ETV4: variants seen among roughly 807,000 people sequenced by gnomAD.
The protein encoded by ETV4 is ETS variant transcription factor 4.
ETV4 carries 42 observed loss-of-function variants against 65.9 expected under a neutral mutation model. The observed-to-expected ratio is 0.64, with a 90% CI of 0.50 to 0.82. The LOEUF is 0.82. Ranked by LOEUF, ETV4 falls within the 40% of genes least tolerant of loss-of-function variation. The pLI is 0.00. For missense variants in ETV4, 583 were observed against 630.3 expected (o/e 0.92, Z 0.80); for synonymous variants, 238 against 260.0 (o/e 0.92, Z 0.81).
intron 5 of ETV4, among the ~76,000 whole-genome samples, chr17:43,534,336 A>C (rs1483282926): frequency 6.6e-6 from 1 of 150,784 alleles, no homozygotes; most frequent in Non-Finnish European, 1.5e-5. Context: ...CTAAAAATAC[A>C]AAAAAAAATT....
rs1970690144 is a variant in ETV4 at position 43,528,399 on chromosome 17, C to G, written c.*120G>C. 1.5e-6 allele frequency: 1 copy of G among 682,564 alleles called. No homozygotes were observed. The highest frequency in any genetic ancestry group is 2.9e-5 in the Admixed American group (1 of 33,960). 42.3% of individuals were successfully genotyped at this position (682,564 alleles called of 1,614,324 possible). ...GTCTGGGCTAGGGCAACTGGTAGGA[C>G]AGTGGGGATCTGCCCCAGAGACATC... On this transcript the variant is annotated 3_prime_UTR_variant, in exon 13 of 13. Transcript: ENST00000319349.
chr17:43,528,620 C>T lies in ETV4; in HGVS notation c.1354G>A (p.Asp452Asn). The change falls in exon 13 of 13, where the codon GAC becomes AAC. Residue 452 changes from aspartate (D) to asparagine (N), a missense_variant. Physicochemically the swap from Asp to Asn is conservative, Grantham distance 23 (BLOSUM62 1). Transcript: ENST00000319349. ...AEFDRPVSEE[D>N]TVPLSHLDES... Reference sequence around the variant, plus strand: ...TCCAAGTGGGACAAAGGGACTGTGTCCTCCTCACTGACAGGCCGGTCAAAC... The same window carrying T: ...TCCAAGTGGGACAAAGGGACTGTGTTCTCCTCACTGACAGGCCGGTCAAAC... 6.2e-7 allele frequency: 1 copy of T among 1,614,032 alleles called. No homozygotes were observed. The highest frequency in any genetic ancestry group is 8.5e-7 in the Non-Finnish European group (1 of 1,179,892).
rs199582761 is a variant in ETV4, at chr17:43,533,925, G to A, written c.317C>T (p.Pro106Leu). Residue 106 changes from proline (P) to leucine (L), a missense_variant, in exon 6 of 13, where the codon CCG (proline) becomes CTG (leucine). Transcript: ENST00000319349. ...KKEPQSPRTD[P>L]ALSCSRKPPL... ...CGGCTTCCTGCTGCAGGACAGGGCC[G>A]GGTCTGTGCGGGGACTCTGGGGCTC... is the stretch of plus-strand genomic sequence containing the variant. 1.1e-4 allele frequency: 170 copies of A among 1,582,470 alleles called. 1 individual carries two copies. The Admixed American group carries it at 1.7e-3, about 16-fold the overall frequency.
intron 4 of ETV4, among the ~76,000 whole-genome samples, chr17:43,537,418 G>A (rs1567712890): frequency 6.6e-6 from 1 of 151,916 alleles, no homozygotes; most frequent in Non-Finnish European, 1.5e-5. Flanking sequence ...GGGTGGCTGG[G>A]CGCAGTGGTT....
Position 43,532,496 on chromosome 17 carries a change from C to CA in ETV4, c.811+177dup, listed in dbSNP as rs1202639826. On this transcript the variant is annotated intron_variant, in intron 8 of 12. Coordinates refer to ENST00000319349, the MANE Select transcript of ETV4 (RefSeq NM_001079675.5). ...CCTGGGCCAGAGCAGGACCCCATTT[C>CA]AAAAAAAAAAAGAAAAAGAAAGAAA... Among the ~76,000 whole-genome samples, 261 of 124,524 alleles carry CA rather than the reference C, an allele frequency of 2.1e-3. 2 individuals are homozygous for CA. The highest frequency in any genetic ancestry group is 0.017 in the Middle Eastern group (4 of 232). The allele number at this position is 124,524 out of a possible 152,430, so 81.7% of individuals were successfully genotyped here. A position where few individuals can be genotyped will look rare whatever the true frequency, so the allele number is the denominator to read the frequency against.
At chr17:43,529,422 C>T in intron 11 of ETV4, 82 bp downstream of exon 11, 13 of 1,499,612 alleles carry the variant, frequency 8.7e-6, no homozygotes, top group Non-Finnish European at 1.1e-5. Flanking sequence ...ATGATGGAGG[C>T]ACGTGCCACC....
intron 5 of ETV4, among the ~76,000 whole-genome samples, chr17:43,535,132 G>C (rs910409834): frequency 3.0e-4 from 45 of 152,176 alleles, no homozygotes; most frequent in African/African-American, 8.7e-4. Flanking sequence ...TTCCAAGCCG[G>C]TGTGAGATTC....
intron 3 of ETV4, 75 bp from the exon 4 acceptor site, chr17:43,545,097 T>A: frequency 6.7e-7 from 1 of 1,483,548 alleles, no homozygotes; most frequent in Non-Finnish European, 9.4e-7. Flanking sequence ...CAAGACCCGG[T>A]GACTCCCCTG....
chr17:43,542,599 C>T (rs1971579867), intron 4 of ETV4, among the ~76,000 whole-genome samples: 1 of 152,168 alleles, frequency 6.6e-6, no homozygotes, highest in South Asian at 2.1e-4. Flanking sequence ...CCTAGCCTCA[C>T]ATCATTCACC....
At chr17:43,530,033 G>A (rs1311885851) in intron 9 of ETV4, 74 bp downstream of exon 9, 1 of 1,609,346 alleles carries the variant, frequency 6.2e-7, no homozygotes, top group Non-Finnish European at 8.5e-7. Context: ...CTCCTGGCCA[G>A]GGAGACCCTC....
In ETV4 at chr17:43,528,160, CA is replaced by C. The variant is rs2154587008; in HGVS notation, c.*358del. The C allele has an allele frequency of 4.0e-6, 1 of 249,814 alleles. No homozygotes were observed. Among genetic ancestry groups the C allele is most frequent in the African/African-American group, 2.2e-5 (1 of 45,910 alleles). 15.5% of individuals were successfully genotyped at this position (249,814 alleles called of 1,614,324 possible). A position where few individuals can be genotyped will look rare whatever the true frequency, so the allele number is the denominator to read the frequency against. On this transcript the variant is annotated 3_prime_UTR_variant, in exon 13 of 13. Transcript: ENST00000319349. ...TCAGTGAACCTCCTCACCCTCCTGC[CA>C]GTATGAAGTTGGGAAGCGCCTTCTC...
chr17:43,535,363 C>A lies in ETV4; in HGVS notation c.256+1063G>T, dbSNP rs186705807. 4.0e-3 allele frequency among the ~76,000 whole-genome samples: 610 copies of A among 152,228 alleles called. 1 individual carries two copies. The highest frequency in any genetic ancestry group is 0.031 in the Middle Eastern group (9 of 294). ...CTCAATCTTGCCTCACTGCAACCTC[C>A]GCCTCCCAGGTTCAAGCGATTCTCA... is the stretch of plus-strand genomic sequence containing the variant. On this transcript the variant is annotated intron_variant, in intron 5 of 12. Coordinates refer to ENST00000319349, the MANE Select transcript of ETV4 (RefSeq NM_001079675.5).
chr17:43,528,605 AC>A lies in ETV4; in HGVS notation c.1368del (p.Leu456PhefsTer49). The part of the protein sequence containing the change: ...RPVSEEDTVP[L>X]SHLDESPAYL... ...TAGGCGGGGCTCTCATCCAAGTGGGACAAAGGGACTGTGTCCTCCTCACTGA... is the reference window on the plus strand; with the variant it reads ...TAGGCGGGGCTCTCATCCAAGTGGGAAAAGGGACTGTGTCCTCCTCACTGA... On this transcript the variant is annotated frameshift_variant, in exon 13 of 13. Coordinates refer to ENST00000319349, the MANE Select transcript of ETV4 (RefSeq NM_001079675.5). LOFTEE classifies it high-confidence loss of function. 1 of 1,614,150 alleles carries A rather than the reference AC, an allele frequency of 6.2e-7. No homozygotes were observed. Among genetic ancestry groups the A allele is most frequent in the Admixed American group, 1.7e-5 (1 of 60,014 alleles).
intron 8 of ETV4, chr17:43,530,545 A>G: frequency 2.7e-6 from 2 of 743,620 alleles, no homozygotes; most frequent in Non-Finnish European, 3.7e-6. Flanking sequence ...CACGCCTAAG[A>G]CTCCCTCAGA....
intron 4 of ETV4, 164 bp downstream of exon 4, chr17:43,544,811 C>T (rs184050679): frequency 4.7e-6 from 3 of 645,146 alleles, no homozygotes; most frequent in African/African-American, 3.6e-5. Context: ...ACGCTGGGTG[C>T]TGGGGTGAGT....
chr17:43,545,016 A>C lies in ETV4; in HGVS notation c.161T>G (p.Phe54Cys), dbSNP rs1376062755. ...CTCCTGGAAGTGACTTAGATCCTGG[A>C]AGAGATCTGAGGGGTAAATAGTGGA... ...SLPPLDSEDLFQDLSHFQETW... is the reference protein window; with the variant it reads ...SLPPLDSEDLCQDLSHFQETW... The change falls in exon 4 of 13, where the codon TTC becomes TGC. Residue 54 changes from phenylalanine (F) to cysteine (C), a missense_variant. Coordinates refer to ENST00000319349, the MANE Select transcript of ETV4 (RefSeq NM_001079675.5). 4.3e-6 allele frequency: 7 copies of C among 1,613,750 alleles called. No homozygotes were observed. Among genetic ancestry groups the C allele is most frequent in the African/African-American group, 1.3e-5 (1 of 74,896 alleles).
chr17:43,528,736 C>T lies in ETV4; in HGVS notation c.1238G>A (p.Gly413Asp). ...YEKGIMQKVA[G>D]ERYVYKFVCE... Reference sequence around the variant, plus strand: ...CACAAACTTGTACACGTAACGCTCACCAGCCACCTATGGGGAGAGAGAAGG... The same window carrying T: ...CACAAACTTGTACACGTAACGCTCATCAGCCACCTATGGGGAGAGAGAAGG... Residue 413 changes from glycine (G) to aspartate (D), a missense_variant, in exon 13 of 13, where the codon GGT (glycine) becomes GAT (aspartate). Physicochemically the swap from Gly to Asp is moderately conservative, Grantham distance 94. Coordinates refer to ENST00000319349, the MANE Select transcript of ETV4 (RefSeq NM_001079675.5). The T allele has an allele frequency of 6.2e-7, 1 of 1,613,970 alleles. No homozygotes were observed. The highest frequency in any genetic ancestry group is 8.5e-7 in the Non-Finnish European group (1 of 1,179,870).
In ETV4 at chr17:43,536,038, G is replaced by A. The variant is rs531296236; in HGVS notation, c.256+388C>T. Among the ~76,000 whole-genome samples the A allele has an allele frequency of 3.9e-5, 6 of 152,338 alleles. No homozygotes were observed. The East Asian group carries it at 5.8e-4, about 15-fold the overall frequency. On this transcript the variant is annotated intron_variant, in intron 5 of 12. Transcript: ENST00000319349. ...AGGCAGGAGAATGGCTTAAACCCGG[G>A]AGGCGGAAGTTGCAGTGAGCCGAGA...
intron 11 of ETV4, 62 bp from the exon 12 acceptor site, chr17:43,529,298 G>A (rs1970762297): frequency 7.2e-6 from 11 of 1,536,868 alleles, no homozygotes; most frequent in Non-Finnish European, 9.9e-6. Flanking sequence ...ATGGGGGTAA[G>A]GTCAGAAAGA....
Sources: allele counts gnomAD v4.1 joint callset (sites outside exome capture counted in the v4.1 genomes callset), GRCh38; gene constraint gnomAD v4.1.1; transcripts MANE v1.5; gene names NCBI Gene and HGNC (gene_info 2026-07-23, HGNC 2026-07-21).